Variants in NCKAP5 observed in about 807,000 individuals in gnomAD.
NCKAP5 encodes nck-associated protein 5.
In NCKAP5, 92 loss-of-function variants were observed where a neutral mutation model predicts 167.0. The ratio of observed to expected loss-of-function variants is 0.55; its 90% CI spans 0.47 to 0.66. The LOEUF (loss-of-function observed/expected upper bound fraction) is 0.66, where lower values mean the gene tolerates loss of function less well. Ranked by LOEUF, NCKAP5 falls within the 30% of genes least tolerant of loss-of-function variation. NCKAP5 has a pLI of 0.00. For missense variants in NCKAP5, 2,378 were observed against 2,315.0 expected (o/e 1.03, Z -0.56); for synonymous variants, 891 against 877.4 (o/e 1.02, Z -0.27).
At chr2:132,826,720 T>C (rs2105345601) in intron 11 of NCKAP5, among the ~76,000 whole-genome samples, 1 of 152,284 alleles carries the variant, frequency 6.6e-6, no homozygotes, top group South Asian at 2.1e-4. Context: ...ATTTAATGAG[T>C]GCCTCCCATG....
At chr2:133,054,753 A>C (rs2079734855) in intron 6 of NCKAP5, among the ~76,000 whole-genome samples, 1 of 152,048 alleles carries the variant, frequency 6.6e-6, no homozygotes, top group Non-Finnish European at 1.5e-5. Flanking sequence ...ACATATGCCC[A>C]CTCTTATCAA....
intron 9 of NCKAP5, among the ~76,000 whole-genome samples, chr2:132,875,093 A>G (rs1691163833): frequency 1.3e-5 from 2 of 152,250 alleles, no homozygotes; most frequent in East Asian, 1.9e-4. Context: ...GCATTCAGAT[A>G]ATCTAATTGT....
intron 8 of NCKAP5, among the ~76,000 whole-genome samples, chr2:132,887,903 G>A (rs62178885): frequency 0.33 from 49,586 of 152,098 alleles, 8,417 homozygotes; most frequent in Non-Finnish European, 0.37. Context: ...TACCACCTCA[G>A]CCTCCCAAAG....
intron 15 of NCKAP5, among the ~76,000 whole-genome samples, chr2:132,774,239 C>T (rs114747526): frequency 1.6e-3 from 247 of 152,276 alleles, no homozygotes; most frequent in African/African-American, 5.8e-3. Flanking sequence ...ATCAGTAACA[C>T]AGGGCTGTTA....
At chr2:132,914,004 T>G (rs1326826357) in intron 8 of NCKAP5, among the ~76,000 whole-genome samples, 2 of 152,208 alleles carry the variant, frequency 1.3e-5, no homozygotes, top group Non-Finnish European at 2.9e-5. Flanking sequence ...CCTTTTAAGA[T>G]TCTTAAAGTA....
chr2:132,719,574 G>A lies in NCKAP5; in HGVS notation c.5713+6053C>T, dbSNP rs563317622. 2.0e-5 allele frequency among the ~76,000 whole-genome samples: 3 copies of A among 152,340 alleles called. No homozygotes were observed. The South Asian group carries it at 6.2e-4, about 32-fold the overall frequency. On this transcript the variant is annotated intron_variant, in intron 19 of 19. Transcript: ENST00000409261. The stretch of plus-strand genomic sequence containing the variant: ...TTTGGCATTTCAGGGAGGGCACTTC[G>A]GTGGCAGTGAGGATGATGCATTTAA...
chr2:132,818,144 C>T (rs940017051), intron 11 of NCKAP5, among the ~76,000 whole-genome samples: 3 of 152,102 alleles, frequency 2.0e-5, no homozygotes, highest in Admixed American at 6.5e-5. Flanking sequence ...GATGCGGTTT[C>T]GCCATGTTGC....
intron 3 of NCKAP5, among the ~76,000 whole-genome samples, chr2:133,414,058 C>T (rs1470955326): frequency 1.3e-5 from 2 of 152,180 alleles, no homozygotes; most frequent in Non-Finnish European, 2.9e-5. Flanking sequence ...TATTCTCCTA[C>T]AGTAGAAGAA....
rs142101889 is a variant in NCKAP5 at position 132,960,422 on chromosome 2, C to T, written c.579+3298G>A. Among the ~76,000 whole-genome samples, 11 of 152,212 alleles carry T rather than the reference C, an allele frequency of 7.2e-5. 1 individual carries two copies. Among genetic ancestry groups the T allele is most frequent in the Admixed American group, 5.9e-4 (9 of 15,284 alleles). ...TGAGGAGAAAGGCTACTGCGAAACG[C>T]CCTGCAACCAAAGGACTGGGAGGAA... On this transcript the variant is annotated intron_variant, in intron 8 of 19. Transcript: ENST00000409261.
At chr2:133,377,900 C>T (rs1425893364) in intron 3 of NCKAP5, among the ~76,000 whole-genome samples, 2 of 151,746 alleles carry the variant, frequency 1.3e-5, no homozygotes, top group Non-Finnish European at 2.9e-5. Flanking sequence ...ACCCCTGATC[C>T]ACACAGGGAG....
At chr2:133,653,618 T>C in the NCKAP5 span, among the ~76,000 whole-genome samples, 5 of 152,296 alleles carry the variant, frequency 3.3e-5, no homozygotes, top group African/African-American at 4.8e-5. Context: ...GATGGTTAAA[T>C]AGAGGGCAGA....
At chr2:133,259,287 G>T (rs1002523303) in intron 4 of NCKAP5, among the ~76,000 whole-genome samples, 20 of 152,106 alleles carry the variant, frequency 1.3e-4, no homozygotes, top group Non-Finnish European at 2.4e-4. Flanking sequence ...TGTTTTGGGG[G>T]AATCTTACAG....
chr2:133,069,202 A>G (rs780598938), intron 6 of NCKAP5, among the ~76,000 whole-genome samples: 19 of 152,368 alleles, frequency 1.2e-4, no homozygotes, highest in Non-Finnish European at 2.2e-4. Context: ...GTACAAATGT[A>G]AAGCACTGGA....
rs764943052 is a variant in NCKAP5 at position 132,782,471 on chromosome 2, G to A, written c.4340C>T (p.Thr1447Ile). Reference sequence around the variant, plus strand: ...AGAGGCATCTGGATGCCTTCCAGAAGTTTCTAGCTTGGATGTACTGCTTGT... The same window carrying A: ...AGAGGCATCTGGATGCCTTCCAGAAATTTCTAGCTTGGATGTACTGCTTGT... ...FETSSTSKLE[T>I]SGRHPDASAT... Residue 1447 changes from threonine (T) to isoleucine (I), a missense_variant, in exon 14 of 20, where the codon ACT becomes ATT. Coordinates refer to ENST00000409261, the MANE Select transcript of NCKAP5 (RefSeq NM_207363.3). 6 of 1,612,864 alleles carry A rather than the reference G, an allele frequency of 3.7e-6. No homozygotes were observed. Among genetic ancestry groups the A allele is most frequent in the African/African-American group, 1.3e-5 (1 of 74,914 alleles).
At chr2:133,470,450 G>A (rs1214660845) in intron 3 of NCKAP5, among the ~76,000 whole-genome samples, 17 of 152,278 alleles carry the variant, frequency 1.1e-4, no homozygotes, top group African/African-American at 2.9e-4. Flanking sequence ...TGCAGAGGTT[G>A]CTGCTGTCTT....
chr2:133,483,022 TTTAA>T (rs751793252), intron 3 of NCKAP5, among the ~76,000 whole-genome samples: 27 of 152,228 alleles, frequency 1.8e-4, no homozygotes, highest in Non-Finnish European at 2.9e-4. Context: ...CCATTGCCAC[TTTAA>T]TTAAATGGGT....
intron 2 of NCKAP5, among the ~76,000 whole-genome samples, chr2:133,535,085 T>C (rs2104848923): frequency 6.6e-6 from 1 of 152,330 alleles, no homozygotes; most frequent in Middle Eastern, 3.4e-3. Flanking sequence ...GAATGACTAA[T>C]AATGTTCAGC....
At chr2:132,689,599 G>A (rs181455602) in intron 19 of NCKAP5, among the ~76,000 whole-genome samples, 28 of 152,184 alleles carry the variant, frequency 1.8e-4, no homozygotes, top group Non-Finnish European at 3.4e-4. Flanking sequence ...GCACTTGTGC[G>A]GCAACCAACT....
At chr2:133,057,853 G>A (rs1456833511) in intron 6 of NCKAP5, among the ~76,000 whole-genome samples, 1 of 152,226 alleles carries the variant, frequency 6.6e-6, no homozygotes, top group Non-Finnish European at 1.5e-5. Context: ...ATGCCAGCCA[G>A]GACTTTCATA....
Sources: gnomAD v4.1 joint callset for allele counts (sites outside exome capture counted in the v4.1 genomes callset) on GRCh38, gnomAD v4.1.1 for gene constraint, MANE v1.5 for transcripts, NCBI Gene and HGNC (gene_info 2026-07-23, HGNC 2026-07-21) for gene names.